Variants in RPRD2 observed in about 807,000 individuals in gnomAD.
RPRD2 encodes the protein regulation of nuclear pre-mRNA domain-containing protein 2.
RPRD2 carries 12 observed loss-of-function variants against 104.4 expected under a neutral mutation model. The observed-to-expected ratio is 0.11, with a 90% confidence interval of 0.07 to 0.19. RPRD2 has a LOEUF of 0.19. RPRD2 is among the 10% of genes least tolerant of loss of function. The pLI is 1.00. For missense variants in RPRD2, 1,543 were observed against 1,790.1 expected (o/e 0.86, Z 2.49); for synonymous variants, 714 against 684.9 (o/e 1.04, Z -0.66).
chr1:150,379,292 A>AT (rs1660954152), intron 1 of RPRD2, among the ~76,000 whole-genome samples: 1 of 152,112 alleles, frequency 6.6e-6, no homozygotes, highest in Non-Finnish European at 1.5e-5. Flanking sequence ...CAAAAAAAAA[A>AT]CAAAAAGAAA....
chr1:150,464,645 C>T lies in RPRD2; in HGVS notation c.1530C>T (p.Ile510=). 2 of 1,612,792 alleles carry T rather than the reference C, an allele frequency of 1.2e-6. No homozygotes were observed. Among genetic ancestry groups the T allele is most frequent in the African/African-American group, 1.3e-5 (1 of 74,936 alleles). Reference sequence around the variant, plus strand: ...CATCTCACAACCCTCTGGCAAATATCCTCTCCAAGGTGGAGATCACCCCAG... The same window carrying T: ...CATCTCACAACCCTCTGGCAAATATTCTCTCCAAGGTGGAGATCACCCCAG... The part of the protein sequence containing the change: ...TTTSHNPLAN[I]LSKVEITPES... Residue 510 remains isoleucine, a synonymous_variant, in exon 10 of 11, where the codon ATC becomes ATT. Coordinates refer to ENST00000369068, the MANE Select transcript of RPRD2 (RefSeq NM_015203.5).
intron 7 of RPRD2, among the ~76,000 whole-genome samples, chr1:150,448,222 C>G (rs1051210489): frequency 6.6e-6 from 1 of 152,080 alleles, no homozygotes; most frequent in Non-Finnish European, 1.5e-5. Context: ...GGCTGGAGTG[C>G]AGTGGCGCAC....
intron 1 of RPRD2, among the ~76,000 whole-genome samples, chr1:150,385,576 T>C (rs1023175410): frequency 2.0e-5 from 3 of 152,200 alleles, no homozygotes; most frequent in Admixed American, 2.0e-4. Context: ...TATGTAAATA[T>C]TAAGTATGGG....
At chr1:150,412,366 A>G (rs1553887845) in intron 1 of RPRD2, among the ~76,000 whole-genome samples, 1 of 152,208 alleles carries the variant, frequency 6.6e-6, no homozygotes, top group African/African-American at 2.4e-5. Flanking sequence ...AGAAATAGTA[A>G]TAAAATAGTT....
Position 150,475,895 on chromosome 1 carries a change from G to C in RPRD2, c.*2561G>C, listed in dbSNP as rs192118072. 2 of 92,984 alleles carry C rather than the reference G, an allele frequency of 2.2e-5. No homozygotes were observed. The highest frequency in any genetic ancestry group is 4.8e-5 in the Non-Finnish European group (2 of 41,962). The allele number at this position is 92,984 out of a possible 1,614,324, so 5.8% of individuals were successfully genotyped here. ...TATTTTTTAAAGAAAGCATAACATA[G>C]TGTGTCTTAGCAAGGACATGATTCA... On this transcript the variant is annotated 3_prime_UTR_variant, in exon 11 of 11. Coordinates refer to ENST00000369068, the MANE Select transcript of RPRD2 (RefSeq NM_015203.5).
intron 1 of RPRD2, among the ~76,000 whole-genome samples, chr1:150,378,160 A>G (rs1455587974): frequency 1.3e-5 from 2 of 151,218 alleles, no homozygotes; most frequent in South Asian, 2.1e-4. Context: ...CATAACACTA[A>G]TAGTTTAGTA....
At chr1:150,388,384 G>A (rs903772559) in intron 1 of RPRD2, among the ~76,000 whole-genome samples, 4 of 145,560 alleles carry the variant, frequency 2.7e-5, no homozygotes, top group Non-Finnish European at 4.5e-5. Flanking sequence ...ACATATACAC[G>A]TATACACATG....
chr1:150,446,096 A>G (rs757371460), intron 6 of RPRD2, 130 bp from the exon 7 acceptor site: 18 of 483,880 alleles, frequency 3.7e-5, no homozygotes, highest in Middle Eastern at 5.3e-4. Context: ...AGAAACTAAG[A>G]GTATTAGAGT....
intron 7 of RPRD2, among the ~76,000 whole-genome samples, chr1:150,448,591 ACT>A (rs1309066821): frequency 6.6e-6 from 1 of 152,100 alleles, no homozygotes; most frequent in Non-Finnish European, 1.5e-5. Context: ...TTACATTATA[ACT>A]CTGTAAACAT....
At chr1:150,433,055 T>C (rs1409954430) in intron 2 of RPRD2, among the ~76,000 whole-genome samples, 2 of 152,066 alleles carry the variant, frequency 1.3e-5, no homozygotes, top group Non-Finnish European at 2.9e-5. Flanking sequence ...AGGTGATGGC[T>C]ACCCTATTAT....
intron 10 of RPRD2, among the ~76,000 whole-genome samples, chr1:150,465,060 G>T (rs928967913): frequency 3.6e-4 from 55 of 151,906 alleles, no homozygotes; most frequent in South Asian, 2.1e-4. Context: ...GTAGAGATGG[G>T]GTTTCTCCAT....
intron 7 of RPRD2, among the ~76,000 whole-genome samples, chr1:150,454,604 T>C (rs1314175828): frequency 6.6e-6 from 1 of 152,134 alleles, no homozygotes; most frequent in Non-Finnish European, 1.5e-5. Context: ...TCCCAGCACT[T>C]TGGGAGGCTG....
rs775031557 is a variant in RPRD2, at chr1:150,427,705, G to A, written c.335+9980G>A. Among the ~76,000 whole-genome samples, 170 of 151,818 alleles carry A rather than the reference G, an allele frequency of 1.1e-3. 1 individual carries two copies. The highest frequency in any genetic ancestry group is 2.6e-3 in the Admixed American group (40 of 15,228). On this transcript the variant is annotated intron_variant, in intron 2 of 10. Transcript: ENST00000369068. Reference sequence around the variant, plus strand: ...TTCCAGCTACTCAGGAGGCTGAGGCGGGAGGATCTCTTGAGCCCAGGAGGT... The same window carrying A: ...TTCCAGCTACTCAGGAGGCTGAGGCAGGAGGATCTCTTGAGCCCAGGAGGT...
At position 150,473,038 on chromosome 1, in the gene RPRD2, C is replaced by T. The variant is rs190593461; in HGVS notation, c.4090C>T (p.Arg1364Cys). The T allele has an allele frequency of 5.5e-4, 894 of 1,613,990 alleles. 4 individuals are homozygous for T. The African/African-American group carries it at 0.01, about 18-fold the overall frequency. The part of the protein sequence containing the change: ...QRDLNGPGLS[R>C]VRESLTLPSH... Reference sequence around the variant, plus strand: ...GGACCTCAACGGCCCTGGCCTTAGCCGTGTACGAGAGAGCCTCACCCTACC... The same window carrying T: ...GGACCTCAACGGCCCTGGCCTTAGCTGTGTACGAGAGAGCCTCACCCTACC... Residue 1364 changes from arginine (R) to cysteine (C), a missense_variant, in exon 11 of 11, where the codon CGT becomes TGT. Physicochemically the swap from Arg to Cys is radical, Grantham distance 180. Around this residue, in one of 4 missense-constraint regions of RPRD2, gnomAD observed 880 missense variants for 885.6 expected, o/e 0.99. Transcript: ENST00000369068.
At position 150,437,710 on chromosome 1, in the gene RPRD2, G is replaced by T. The variant is rs1011230200; in HGVS notation, c.336-3213G>T. On this transcript the variant is annotated intron_variant, in intron 2 of 10. Coordinates refer to ENST00000369068, the MANE Select transcript of RPRD2 (RefSeq NM_015203.5). The stretch of plus-strand genomic sequence containing the variant: ...TTCCCCCACCTCAGCCCTCCAAGTG[G>T]CTGGGACTACAGGTGTGCCCCACCA... 3.9e-5 allele frequency among the ~76,000 whole-genome samples: 6 copies of T among 151,942 alleles called. No homozygotes were observed. The East Asian group carries it at 1.2e-3, about 29-fold the overall frequency.
intron 2 of RPRD2, among the ~76,000 whole-genome samples, chr1:150,436,952 T>A (rs376547446): frequency 2.0e-5 from 3 of 152,198 alleles, no homozygotes; most frequent in African/African-American, 7.2e-5. Context: ...ACGCCTGTTA[T>A]CCCAGCACTT....
Position 150,471,651 on chromosome 1 carries a change from G to A in RPRD2, c.2703G>A (p.Glu901=). Residue 901 remains glutamate, a synonymous_variant, in exon 11 of 11, where the codon GAG becomes GAA. Transcript: ENST00000369068. This position sits in a 1 kb window ranked among gnomAD's most constrained non-coding sequence, Gnocchi z 5.3. ...PSVRALLDSS[E]NCDRLSSSPG... is the part of the protein sequence containing the mutation. ...TAAGGGCCCTCCTGGACTCTAGTGA[G>A]AACTGTGACCGTCTCTCATCTTCCC... is the stretch of plus-strand genomic sequence containing the variant. 2 of 1,613,836 alleles carry A rather than the reference G, an allele frequency of 1.2e-6. No homozygotes were observed. The highest frequency in any genetic ancestry group is 1.7e-6 in the Non-Finnish European group (2 of 1,179,872).
chr1:150,457,462 C>A lies in RPRD2; in HGVS notation c.1045C>A (p.Pro349Thr). 1 of 1,613,826 alleles carries A rather than the reference C, an allele frequency of 6.2e-7. No individual in the cohort carries two copies. Among genetic ancestry groups the A allele is most frequent in the Non-Finnish European group, 8.5e-7 (1 of 1,179,862 alleles). The change falls in exon 8 of 11, where the codon CCA becomes ACA. Residue 349 changes from proline (P) to threonine (T), a missense_variant. Transcript: ENST00000369068. ...AATGGGAGGTGAGGAATCCCAGTCA[C>A]CAACCATGGAGAGTGAGAAATCTGC... ...QGMGGEESQS[P>T]TMESEKSATP...
At chr1:150,370,203 G>A (rs1660197383) in intron 1 of RPRD2, among the ~76,000 whole-genome samples, 1 of 152,140 alleles carries the variant, frequency 6.6e-6, no homozygotes, top group African/African-American at 2.4e-5. Flanking sequence ...TGAACCACCA[G>A]GCCCAGACCT....
Sources: allele counts gnomAD v4.1 joint callset (sites outside exome capture counted in the v4.1 genomes callset), GRCh38; gene constraint gnomAD v4.1.1; regional missense constraint gnomAD v4.1.1; non-coding constraint Gnocchi (gnomAD v3.1); transcripts MANE v1.5; gene names NCBI Gene and HGNC (gene_info 2026-07-23, HGNC 2026-07-21).